DCDC1: variants seen among roughly 807,000 people sequenced by gnomAD.
DCDC1 encodes the protein doublecortin domain-containing protein 1.
A neutral mutation model predicts 178.3 loss-of-function variants in DCDC1; 200 were observed. That is an observed-to-expected ratio of 1.12 (90% CI 1.00 to 1.26). DCDC1 has a LOEUF of 1.26. DCDC1 is among the 50% of genes most tolerant of loss of function. The pLI is 0.00. For synonymous variants in DCDC1, 690 were observed against 604.8 expected, an observed-to-expected ratio of 1.14 and a Z score of -2.07; for missense variants, 1,983 against 1,749.2, an observed-to-expected ratio of 1.13 and a Z score of -2.38.
At chr11:31,289,567 GC>G (rs1418332711) in intron 7 of DCDC1, among the ~76,000 whole-genome samples, 1 of 151,930 alleles carries the variant, frequency 6.6e-6, no homozygotes, top group Non-Finnish European at 1.5e-5. Flanking sequence ...CCTGTTTCAA[GC>G]AACATTCAAT....
chr11:30,870,118 T>TTA (rs147859425), intron 38 of DCDC1, among the ~76,000 whole-genome samples: 2,538 of 152,296 alleles, frequency 0.017, 71 homozygotes, highest in African/African-American at 0.058. Context: ...TTTACTCATA[T>TTA]TAACAGTTGT....
At chr11:30,932,167 T>C (rs1382788849) in intron 21 of DCDC1, among the ~76,000 whole-genome samples, 1 of 152,140 alleles carries the variant, frequency 6.6e-6, no homozygotes, top group Non-Finnish European at 1.5e-5. Flanking sequence ...ACCTGTGTTA[T>C]GTTGCAAGAT....
At chr11:31,269,545 C>T (rs1945404351) in intron 7 of DCDC1, among the ~76,000 whole-genome samples, 1 of 151,634 alleles carries the variant, frequency 6.6e-6, no homozygotes. Flanking sequence ...CATATGACAC[C>T]CAGCTAATTT....
chr11:30,920,425 C>T (rs1946162769), intron 25 of DCDC1, among the ~76,000 whole-genome samples: 2 of 152,148 alleles, frequency 1.3e-5, no homozygotes, highest in Non-Finnish European at 2.9e-5. Context: ...TGTATATTAA[C>T]ATGTGTCAAC....
At chr11:31,102,351 C>G in intron 14 of DCDC1, 69 bp from the exon 15 acceptor site, 1 of 578,752 alleles carries the variant, frequency 1.7e-6, no homozygotes, top group South Asian at 2.2e-5. Context: ...GCCCTTTACT[C>G]TTTAATTATA....
intron 27 of DCDC1, among the ~76,000 whole-genome samples, chr11:30,914,038 ATC>A (rs1346900172): frequency 6.6e-6 from 1 of 152,212 alleles, no homozygotes; most frequent in Non-Finnish European, 1.5e-5. Flanking sequence ...AAGATTTTTT[ATC>A]TGTTTTGTTC....
intron 18 of DCDC1, among the ~76,000 whole-genome samples, chr11:31,068,897 G>C (rs1396613237): frequency 2.0e-5 from 3 of 150,992 alleles, no homozygotes; most frequent in Admixed American, 1.3e-4. Flanking sequence ...TGTAGCCCAT[G>C]CTGGAATGCA....
intron 2 of DCDC1, 79 bp from the exon 3 acceptor site, chr11:31,328,365 C>T (rs1949760962): frequency 7.3e-7 from 1 of 1,369,422 alleles, no homozygotes; most frequent in South Asian, 1.5e-5. Context: ...GCATTAAACA[C>T]AACTTACTTG....
intron 21 of DCDC1, among the ~76,000 whole-genome samples, chr11:30,949,940 A>T (rs1378744523): frequency 6.6e-6 from 1 of 152,128 alleles, no homozygotes; most frequent in Non-Finnish European, 1.5e-5. Flanking sequence ...CCACCACGGC[A>T]AGTGTATACC....
At chr11:30,920,699 C>T (rs1946189229) in intron 25 of DCDC1, 77 bp downstream of exon 25, 1 of 1,549,410 alleles carries the variant, frequency 6.5e-7, no homozygotes. Context: ...CCTGCATGGG[C>T]TCTGTGCTGT....
chr11:31,302,182 C>T (rs1948159657), intron 6 of DCDC1, among the ~76,000 whole-genome samples: 1 of 152,136 alleles, frequency 6.6e-6, no homozygotes, highest in Admixed American at 6.5e-5. Context: ...GTTTTCTCCT[C>T]ATCTTATTTA....
intron 17 of DCDC1, among the ~76,000 whole-genome samples, chr11:31,087,385 T>G (rs903459212): frequency 6.6e-6 from 1 of 152,112 alleles, no homozygotes; most frequent in Non-Finnish European, 1.5e-5. Context: ...CCATTTCTTC[T>G]GCTTACTTTG....
At chr11:31,017,921 T>C (rs1472453766) in intron 20 of DCDC1, among the ~76,000 whole-genome samples, 1 of 152,226 alleles carries the variant, frequency 6.6e-6, no homozygotes, top group Non-Finnish European at 1.5e-5. Context: ...TAAAATGTTA[T>C]TTTTGAATAA....
rs140804658 is a variant in DCDC1 at position 31,165,763 on chromosome 11, G to T, written c.1222-27979C>A. Among the ~76,000 whole-genome samples, 1,509 of 152,238 alleles carry T rather than the reference G, an allele frequency of 9.9e-3. 27 individuals are homozygous for T. Among genetic ancestry groups the T allele is most frequent in the African/African-American group, 0.034 (1,408 of 41,548 alleles). On this transcript the variant is annotated intron_variant, in intron 9 of 38. Transcript: ENST00000684477. ...TTGTTTTTCATATGTACTGTGCGCA[G>T]ATTTGAATTTCTTTGATGAGGAGGT...
rs183062556 is a variant in DCDC1, at chr11:30,900,856, C to T, written c.4511-358G>A. ...TAGACTAAATCCAGGGATAAAGTAC[C>T]TTAGTGTTCTTATATTTTAAATGAA... On this transcript the variant is annotated intron_variant, in intron 32 of 38. Coordinates refer to ENST00000684477, the MANE Select transcript of DCDC1 (RefSeq NM_001387274.1). Among the ~76,000 whole-genome samples the T allele has an allele frequency of 3.7e-3, 570 of 152,062 alleles. 5 individuals carry two copies. Among genetic ancestry groups the T allele is most frequent in the Non-Finnish European group, 4.3e-3 (295 of 67,986 alleles).
intron 36 of DCDC1, among the ~76,000 whole-genome samples, chr11:30,885,614 T>C (rs1196883231): frequency 6.6e-6 from 1 of 152,118 alleles, no homozygotes; most frequent in African/African-American, 2.4e-5. Flanking sequence ...AATATATAAA[T>C]TGAAATATGG....
chr11:31,105,102 G>A (rs1050699992), intron 13 of DCDC1, among the ~76,000 whole-genome samples: 8 of 151,992 alleles, frequency 5.3e-5, no homozygotes, highest in East Asian at 1.9e-4. Flanking sequence ...CAAACTAGAC[G>A]GCAATAACTT....
intron 20 of DCDC1, among the ~76,000 whole-genome samples, chr11:31,035,784 T>C (rs1291668499): frequency 6.6e-6 from 1 of 152,280 alleles, no homozygotes; most frequent in Non-Finnish European, 1.5e-5. Flanking sequence ...ACAGCAATTA[T>C]TGTTATACTG....
chr11:30,997,811 ATG>A (rs150426755), intron 20 of DCDC1, among the ~76,000 whole-genome samples: 17,976 of 147,934 alleles, frequency 0.12, 3,411 homozygotes, highest in African/African-American at 0.41. Context: ...CATAGTGTGT[ATG>A]TGTGTGTGTG....
Sources: gnomAD v4.1 joint callset for allele counts (sites outside exome capture counted in the v4.1 genomes callset) on GRCh38, gnomAD v4.1.1 for gene constraint, MANE v1.5 for transcripts, NCBI Gene and HGNC (gene_info 2026-07-23, HGNC 2026-07-21) for gene names.